The following POPDC3 variants were observed in gnomAD, a reference collection of about 807,000 sequenced individuals.
POPDC3 encodes popeye domain cAMP effector 3.
Under a neutral mutation model 28.2 loss-of-function variants are expected in POPDC3, and 20 were observed. The observed-to-expected ratio is 0.71, with a 90% CI of 0.50 to 1.03. The LOEUF (loss-of-function observed/expected upper bound fraction) is 1.03. POPDC3 is among the 50% of genes least tolerant of loss of function. The probability of loss-of-function intolerance (pLI) is 0.00; values close to 1 mark genes in which losing one functional copy is unlikely to be tolerated. For missense variants in POPDC3, 316 were observed against 345.9 expected (o/e 0.91, Z 0.69); for synonymous variants, 118 against 124.1 (o/e 0.95, Z 0.33).
chr6:105,167,408 A>T (rs1190293), intron 1 of POPDC3, among the ~76,000 whole-genome samples: 109,458 of 152,078 alleles, frequency 0.72, 42,764 homozygotes, highest in East Asian at 0.87. Flanking sequence ...AAAAGAGCAT[A>T]GGGAGAAATG....
intron 1 of POPDC3, among the ~76,000 whole-genome samples, chr6:105,167,482 C>G (rs758898302): frequency 6.6e-6 from 1 of 152,162 alleles, no homozygotes; most frequent in Non-Finnish European, 1.5e-5. Flanking sequence ...CATGGTGGCT[C>G]ACGCCTGTAA....
chr6:105,159,029 T>C (rs762896600), intron 3 of POPDC3: 30 of 290,554 alleles, frequency 1.0e-4, no homozygotes, highest in Admixed American at 4.3e-4. Context: ...GAGAACTACT[T>C]GATCTTAAAA....
intron 2 of POPDC3, 47 bp from the exon 3 acceptor site, chr6:105,159,866 C>A: frequency 7.8e-6 from 10 of 1,280,696 alleles, no homozygotes; most frequent in Admixed American, 1.7e-5. Context: ...AGAAAGAGAG[C>A]ACATAATTGG....
At chr6:105,160,315 G>A (rs1309806299) in intron 2 of POPDC3, among the ~76,000 whole-genome samples, 2 of 152,118 alleles carry the variant, frequency 1.3e-5, no homozygotes, top group East Asian at 3.9e-4. Flanking sequence ...AGGTTCAAGC[G>A]ATTCTTGTGC....
Position 105,161,708 on chromosome 6 carries a change from C to T in POPDC3, c.202G>A (p.Ala68Thr), listed in dbSNP as rs1217065247. 1 of 1,614,104 alleles carries T rather than the reference C, an allele frequency of 6.2e-7. No individual in the cohort carries two copies. The highest frequency in any genetic ancestry group is 8.5e-7 in the Non-Finnish European group (1 of 1,180,028). Residue 68 changes from alanine (A) to threonine (T), a missense_variant, in exon 2 of 4, where the codon GCT becomes ACT. Coordinates refer to ENST00000254765, the MANE Select transcript of POPDC3 (RefSeq NM_022361.5). ...TCAGCTGCACAGACATCTACCCAAG[C>T]CCAGACAGCAGAACAGAGAAAACCC... is the stretch of plus-strand genomic sequence containing the variant. Reference protein sequence around the residue: ...GLGFLCSAVWAWVDVCAADIF... With the variant: ...GLGFLCSAVWTWVDVCAADIF...
chr6:105,171,536 T>C (rs1774577399), intron 1 of POPDC3, among the ~76,000 whole-genome samples: 1 of 151,898 alleles, frequency 6.6e-6, no homozygotes, highest in African/African-American at 2.4e-5. Flanking sequence ...TTGGGCATGG[T>C]GGCATGCACC....
At position 105,158,431 on chromosome 6, in the gene POPDC3, A is replaced by T. The variant is rs376904506; in HGVS notation, c.*39T>A. 12 of 1,508,018 alleles carry T rather than the reference A, an allele frequency of 8.0e-6. No individual in the cohort carries two copies. The African/African-American group carries it at 1.3e-4, about 16-fold the overall frequency. 93.4% of individuals were successfully genotyped at this position (1,508,018 alleles called of 1,614,324 possible). Reference sequence around the variant, plus strand: ...TATTTCACTGGGGAATGATGAAGAGAGAGTCTTTTTTTATACTTATAAATT... The same window carrying T: ...TATTTCACTGGGGAATGATGAAGAGTGAGTCTTTTTTTATACTTATAAATT... On this transcript the variant is annotated 3_prime_UTR_variant, in exon 4 of 4. Transcript: ENST00000254765.
rs757597113 is a variant in POPDC3, at chr6:105,158,459, A to T, written c.*11T>A. ...GTCTTTTTTTATACTTATAAATTTC[A>T]GACTTTGATGTCATTTATCACAGTA... On this transcript the variant is annotated 3_prime_UTR_variant, in exon 4 of 4. Transcript: ENST00000254765. The T allele has an allele frequency of 1.3e-6, 2 of 1,583,258 alleles. No homozygotes were observed. Among genetic ancestry groups the T allele is most frequent in the East Asian group, 2.2e-5 (1 of 44,570 alleles).
intron 1 of POPDC3, among the ~76,000 whole-genome samples, chr6:105,174,758 C>T (rs1053815493): frequency 6.6e-6 from 1 of 152,172 alleles, no homozygotes; most frequent in Non-Finnish European, 1.5e-5. Flanking sequence ...AACAAACAGA[C>T]ACACTGACAA....
chr6:105,165,624 A>G (rs574009143), intron 1 of POPDC3, among the ~76,000 whole-genome samples: 1 of 152,330 alleles, frequency 6.6e-6, no homozygotes, highest in East Asian at 1.9e-4. Context: ...GTGCAAAAAC[A>G]CAGAGGAGCT....
chr6:105,158,807 C>A, intron 3 of POPDC3, 56 bp from the exon 4 acceptor site: 1 of 1,407,880 alleles, frequency 7.1e-7, no homozygotes, highest in Non-Finnish European at 9.6e-7. Flanking sequence ...ACTTCTGCCA[C>A]ATTTTTAGTA....
rs1774219857 is a variant in POPDC3, at chr6:105,157,974, A to G, written c.*496T>C. On this transcript the variant is annotated 3_prime_UTR_variant, in exon 4 of 4. Coordinates refer to ENST00000254765, the MANE Select transcript of POPDC3 (RefSeq NM_022361.5). ...TCACATATTATTATCTCTTGCATTT[A>G]TTCTACTTTTTAGTCGCATCAAGTA... Among the ~76,000 whole-genome samples the G allele has an allele frequency of 6.6e-6, 1 of 151,732 alleles. No homozygotes were observed. Among genetic ancestry groups the G allele is most frequent in the Non-Finnish European group, 1.5e-5 (1 of 67,990 alleles).
chr6:105,159,891 T>G, intron 2 of POPDC3, 72 bp from the exon 3 acceptor site: 104 of 785,702 alleles, frequency 1.3e-4, no homozygotes, highest in East Asian at 2.8e-4. Flanking sequence ...GGGTGGGGGG[T>G]AGAGGAAGTG....
intron 1 of POPDC3, chr6:105,169,748 TAGTTTTATTGTCC>T (rs1774536909): frequency 6.6e-6 from 1 of 152,188 alleles, no homozygotes; most frequent in Admixed American, 6.5e-5. Context: ...ACTGAGCAGA[TAGTTTTATTGTCC>T]AGTTTTTAAA....
intron 3 of POPDC3, 196 bp from the exon 4 acceptor site, chr6:105,158,947 T>G (rs957376473): frequency 8.9e-6 from 4 of 451,972 alleles, no homozygotes; most frequent in Non-Finnish European, 1.6e-5. Flanking sequence ...ATATGAATAA[T>G]CACAATGTTC....
intron 1 of POPDC3, chr6:105,178,670 T>G: frequency 1.1e-6 from 1 of 944,012 alleles, no homozygotes; most frequent in East Asian, 1.2e-4. Flanking sequence ...GAGCTCTTCA[T>G]TTTGCGAATA....
chr6:105,160,068 A>G (rs1385008126), intron 2 of POPDC3: 1 of 316,586 alleles, frequency 3.2e-6, no homozygotes, highest in Non-Finnish European at 5.9e-6. Flanking sequence ...AAATTCATCA[A>G]GTTGTACATT....
chr6:105,159,884 T>A, intron 2 of POPDC3, 65 bp from the exon 3 acceptor site: 1 of 943,252 alleles, frequency 1.1e-6, no homozygotes, highest in African/African-American at 1.7e-5. Context: ...TGGGGAGGGG[T>A]GGGGGGTAGA....
chr6:105,163,496 A>C (rs545647168), intron 1 of POPDC3, among the ~76,000 whole-genome samples: 8 of 152,358 alleles, frequency 5.3e-5, no homozygotes, highest in African/African-American at 1.9e-4. Context: ...GGTAACATTC[A>C]AAAGCCTTGA....
Sources: gnomAD v4.1 joint callset for allele counts (sites outside exome capture counted in the v4.1 genomes callset) on GRCh38, gnomAD v4.1.1 for gene constraint, MANE v1.5 for transcripts, NCBI Gene and HGNC (gene_info 2026-07-23, HGNC 2026-07-21) for gene names.